Variants in RTTN observed in about 807,000 individuals in gnomAD.
RTTN encodes rotatin.
Under a neutral mutation model 269.2 loss-of-function variants are expected in RTTN, and 182 were observed. That is an observed-to-expected ratio of 0.68 (90% CI 0.60 to 0.76). RTTN has a LOEUF of 0.76. Ranked by LOEUF, RTTN falls within the 30% of genes least tolerant of loss-of-function variation. The pLI is 0.00. For missense variants in RTTN, 2,545 were observed against 2,608.6 expected, an observed-to-expected ratio of 0.98 and a Z score of 0.53; for synonymous variants, 1,006 against 963.5, an observed-to-expected ratio of 1.04 and a Z score of -0.82.
intron 3 of RTTN, among the ~76,000 whole-genome samples, chr18:70,202,478 C>T (rs546969138): frequency 3.0e-4 from 46 of 152,264 alleles, no homozygotes; most frequent in Non-Finnish European, 5.7e-4. Flanking sequence ...AAGGCTAAAA[C>T]TATAGTTTGT....
chr18:70,086,680 G>T lies in RTTN; in HGVS notation c.4307C>A (p.Ala1436Glu). The change falls in exon 32 of 49, where the codon GCA (alanine) becomes GAA (glutamate). Residue 1436 changes from alanine (A) to glutamate (E), a missense_variant. Physicochemically the swap from Ala to Glu is moderately radical, Grantham distance 107. Transcript: ENST00000640769. ...TACAAGGAGATTCTGAAGAATAAAT[G>T]CCGCCTGAAAATGTAAAAAAAAAAA... Reference protein sequence around the residue: ...SECSMVRREAAFILQNLLVIP... With the variant: ...SECSMVRREAEFILQNLLVIP... 1 of 462,488 alleles carries T rather than the reference G, an allele frequency of 2.2e-6. No individual in the cohort carries two copies. The highest frequency in any genetic ancestry group is 3.7e-6 in the Non-Finnish European group (1 of 269,826). 28.6% of individuals were successfully genotyped at this position (462,488 alleles called of 1,614,324 possible).
intron 8 of RTTN, among the ~76,000 whole-genome samples, chr18:70,192,515 T>C (rs1491001686): frequency 6.6e-6 from 1 of 151,752 alleles, no homozygotes; most frequent in Non-Finnish European, 1.5e-5. Context: ...ACCCCATCTC[T>C]ACAAAAAATA....
chr18:70,092,664 T>C lies in RTTN; in HGVS notation c.4032+12A>G. ...CAAATGTTCAGAAGATAGACAGCTT[T>C]AACGCGCTCACCAAGCTCCCAGCCT... is the stretch of plus-strand genomic sequence containing the variant. On this transcript the variant is annotated intron_variant, in intron 29 of 48. Transcript: ENST00000640769. 6.2e-7 allele frequency: 1 copy of C among 1,611,418 alleles called. No homozygotes were observed. Among genetic ancestry groups the C allele is most frequent in the South Asian group, 1.1e-5 (1 of 90,732 alleles).
rs367781423 is a variant in RTTN, at chr18:70,193,360, C to G, written c.935G>C (p.Arg312Pro). The G allele has an allele frequency of 6.2e-7, 1 of 1,610,006 alleles. No individual in the cohort carries two copies. Among genetic ancestry groups the G allele is most frequent in the South Asian group, 1.1e-5 (1 of 90,690 alleles). ...QNPSPGSSSPRPSVVGRTGQR... is the reference protein window; with the variant it reads ...QNPSPGSSSPPPSVVGRTGQR... ...GCCTGTGCGCCCAACCACAGAAGGCCGAGGGCTGCTGCTTCCTGGGGAAGG... is the reference window on the plus strand; with the variant it reads ...GCCTGTGCGCCCAACCACAGAAGGCGGAGGGCTGCTGCTTCCTGGGGAAGG... The change falls in exon 8 of 49, where the codon CGG becomes CCG. Residue 312 changes from arginine to proline, a missense_variant. Physicochemically the swap from Arg to Pro is moderately radical, Grantham distance 103. Coordinates refer to ENST00000640769, the MANE Select transcript of RTTN (RefSeq NM_173630.4).
intron 25 of RTTN, among the ~76,000 whole-genome samples, chr18:70,126,301 C>A (rs1317422893): frequency 6.6e-6 from 1 of 152,066 alleles, no homozygotes; most frequent in Non-Finnish European, 1.5e-5. Flanking sequence ...GTTAAAATTT[C>A]TTTTGACAAA....
At chr18:70,006,094 T>A in intron 47 of RTTN, 1 of 268,858 alleles carries the variant, frequency 3.7e-6, no homozygotes, top group Non-Finnish European at 7.0e-6. Flanking sequence ...GAAGAAACAA[T>A]CTATACTAAA....
intron 46 of RTTN, among the ~76,000 whole-genome samples, chr18:70,012,135 G>A (rs1261850201): frequency 5.5e-5 from 7 of 128,010 alleles, no homozygotes; most frequent in Non-Finnish European, 9.9e-5. Context: ...GCTCACTGGT[G>A]TTAGACAGAG....
chr18:70,056,610 G>A (rs1370412669), intron 37 of RTTN, among the ~76,000 whole-genome samples: 1 of 152,036 alleles, frequency 6.6e-6, no homozygotes, highest in Non-Finnish European at 1.5e-5. Flanking sequence ...GTGCCCCTCT[G>A]GCCTCATCTT....
At chr18:70,042,438 T>C (rs978537915) in intron 40 of RTTN, among the ~76,000 whole-genome samples, 8 of 139,560 alleles carry the variant, frequency 5.7e-5, no homozygotes, top group East Asian at 2.2e-4. Flanking sequence ...TGCAGTGGCG[T>C]GATCTCTGCT....
intron 28 of RTTN, among the ~76,000 whole-genome samples, chr18:70,104,045 G>A (rs2059253927): frequency 6.6e-6 from 1 of 152,126 alleles, no homozygotes; most frequent in South Asian, 2.1e-4. Flanking sequence ...GCCTTGCTAG[G>A]TTGGGGAAGT....
intron 12 of RTTN, among the ~76,000 whole-genome samples, 170 bp from the exon 13 acceptor site, chr18:70,167,201 G>A (rs1568497255): frequency 6.6e-6 from 1 of 152,214 alleles, no homozygotes; most frequent in African/African-American, 2.4e-5. Flanking sequence ...AGCCGAGGTG[G>A]AGAAATGTAG....
At chr18:70,174,229 T>C (rs1024009036) in intron 11 of RTTN, among the ~76,000 whole-genome samples, 2 of 152,012 alleles carry the variant, frequency 1.3e-5, no homozygotes, top group Non-Finnish European at 2.9e-5. Context: ...TTAAGTGTTC[T>C]AGTTAAACTA....
chr18:70,030,749 T>C, intron 41 of RTTN, 127 bp downstream of exon 41: 1 of 587,188 alleles, frequency 1.7e-6, no homozygotes, highest in South Asian at 2.9e-5. Context: ...AAAAATTATT[T>C]TTAGTGACAC....
intron 13 of RTTN, 170 bp from the exon 14 acceptor site, chr18:70,166,358 G>T: frequency 1.9e-6 from 1 of 538,066 alleles, no homozygotes; most frequent in Non-Finnish European, 3.1e-6. Context: ...TTGTTTCAGG[G>T]CAGAGGAGGT....
chr18:70,048,161 G>T lies in RTTN; in HGVS notation c.5351C>A (p.Ser1784Tyr), dbSNP rs2057545597. 1 of 1,614,050 alleles carries T rather than the reference G, an allele frequency of 6.2e-7. No individual in the cohort carries two copies. Among genetic ancestry groups the T allele is most frequent in the Non-Finnish European group, 8.5e-7 (1 of 1,179,946 alleles). ...IDMFCTCAGL[S>Y]ATCPALYTAS... is the part of the protein sequence containing the mutation. ...AGTATACAGGGCAGGACACGTGGCA[G>T]ACAAGCCTGCACATGTGCAGAACAT... The change falls in exon 40 of 49, where the codon TCT (serine) becomes TAT (tyrosine). Residue 1784 changes from serine to tyrosine, a missense_variant. Ser to Tyr is a moderately radical substitution (Grantham distance 144, BLOSUM62 -2). Coordinates refer to ENST00000640769, the MANE Select transcript of RTTN (RefSeq NM_173630.4).
chr18:70,099,131 A>C (rs1047200657), intron 28 of RTTN, among the ~76,000 whole-genome samples: 1 of 152,190 alleles, frequency 6.6e-6, no homozygotes, highest in African/African-American at 2.4e-5. Flanking sequence ...GCTGGGTAAA[A>C]TGGTATTTCT....
chr18:70,075,620 G>C, intron 32 of RTTN, 79 bp from the exon 33 acceptor site: 1 of 1,187,992 alleles, frequency 8.4e-7, no homozygotes, highest in Non-Finnish European at 1.2e-6. Flanking sequence ...GTCTCCTCTC[G>C]AGGAAACAAA....
At chr18:70,117,582 C>T (rs1056004530) in intron 26 of RTTN, among the ~76,000 whole-genome samples, 1 of 151,964 alleles carries the variant, frequency 6.6e-6, no homozygotes, top group Non-Finnish European at 1.5e-5. Context: ...GTAAATGTAA[C>T]TGTACCAAAA....
intron 31 of RTTN, 109 bp downstream of exon 31, chr18:70,087,875 CAGAAG>C: frequency 1.8e-6 from 2 of 1,087,906 alleles, no homozygotes; most frequent in South Asian, 3.4e-5. Flanking sequence ...TGTTCACAGA[CAGAAG>C]AGATCATGGT....
Sources: gnomAD v4.1 joint callset for allele counts (sites outside exome capture counted in the v4.1 genomes callset) on GRCh38, gnomAD v4.1.1 for gene constraint, MANE v1.5 for transcripts, NCBI Gene and HGNC (gene_info 2026-07-23, HGNC 2026-07-21) for gene names.